The following ZNF177 variants were observed in gnomAD, a reference collection of about 807,000 sequenced individuals.
ZNF177 encodes zinc finger protein 177.
In ZNF177, 17 loss-of-function variants were observed where a neutral mutation model predicts 19.4. The observed-to-expected ratio is 0.87, with a 90% CI of 0.60 to 1.31. The LOEUF (loss-of-function observed/expected upper bound fraction) is 1.31. Ranked by LOEUF, ZNF177 falls within the 40% of genes most tolerant of loss-of-function variation. The pLI is 0.00. For synonymous variants in ZNF177, 220 were observed against 188.7 expected (o/e 1.17, Z -1.36); for missense variants, 633 against 561.8 (o/e 1.13, Z -1.28).
upstream of ZNF177, among the ~76,000 whole-genome samples, chr19:9,375,579 T>C (rs537244452): frequency 2.0e-5 from 3 of 152,264 alleles, no homozygotes; most frequent in African/African-American, 7.2e-5. Flanking sequence ...TCTAGGAATT[T>C]ATTCATTTCT....
Position 9,381,279 on chromosome 19 carries a change from C to T in ZNF177, c.948C>T (p.His316=), listed in dbSNP as rs545057022. The change falls in exon 6 of 6, where the codon CAC becomes CAT. Residue 316 remains histidine, a synonymous_variant. Coordinates refer to ENST00000589262, the Ensembl canonical transcript of ZNF177. Reference sequence around the variant, plus strand: ...GAGAGAAGCCTTATGAGTGTGATCACTGTGGAAAATCCTTTAGCCAGAGCT... The same window carrying T: ...GAGAGAAGCCTTATGAGTGTGATCATTGTGGAAAATCCTTTAGCCAGAGCT... 2.0e-5 allele frequency: 33 copies of T among 1,611,688 alleles called. No individual in the cohort carries two copies. The African/African-American group carries it at 2.7e-4, about 13-fold the overall frequency.
At chr19:9,379,783 A>T (rs1363740234) in intron 4 of ZNF177, 164 bp downstream of exon 6, 1 of 906,356 alleles carries the variant, frequency 1.1e-6, no homozygotes, top group Non-Finnish European at 1.6e-6. Flanking sequence ...CCGAGAAAGA[A>T]GTTTTAATTC....
intron 2 of ZNF177, among the ~76,000 whole-genome samples, chr19:9,369,326 T>C (rs1032812633): frequency 6.6e-6 from 1 of 152,148 alleles, no homozygotes; most frequent in African/African-American, 2.4e-5. Context: ...GACTAGAATT[T>C]TATATCTTCC....
intron 2 of ZNF177, among the ~76,000 whole-genome samples, chr19:9,370,314 C>A (rs1425041680): frequency 6.6e-6 from 1 of 152,038 alleles, no homozygotes; most frequent in African/African-American, 2.4e-5. Flanking sequence ...CACATCCTCC[C>A]ATAGATGCTA....
exon 3 of ZNF177, chr19:9,379,007 G>A (rs2068150797): frequency 1.9e-6 from 3 of 1,610,456 alleles, no homozygotes; most frequent in Non-Finnish European, 2.5e-6. Context: ...TTCCCAGGAG[G>A]AGTGGGCATT....
chr19:9,366,061 C>A (rs2067975038), intron 2 of ZNF177, among the ~76,000 whole-genome samples: 1 of 152,156 alleles, frequency 6.6e-6, no homozygotes, highest in Non-Finnish European at 1.5e-5. Flanking sequence ...CGGCTCACTG[C>A]AACCTCTGCC....
In ZNF177 at chr19:9,379,555, C is replaced by T. The variant is rs778480730; in HGVS notation, c.189C>T (p.Ile63=). The change falls in exon 4 of 6, where the codon ATC becomes ATT. Residue 63 remains isoleucine, a synonymous_variant. Coordinates refer to ENST00000589262, the Ensembl canonical transcript of ZNF177. Reference sequence around the variant, plus strand: ...ATCAGCTCTGCAGACACAGTCTGATCTCCAAGGTGGATCAAGAACAGCTGA... The same window carrying T: ...ATCAGCTCTGCAGACACAGTCTGATTTCCAAGGTGGATCAAGAACAGCTGA... The T allele has an allele frequency of 5.6e-6, 9 of 1,613,932 alleles. No homozygotes were observed. In the Admixed American group the frequency reaches 1.5e-4, roughly 27 times the overall value.
intron 5 of ZNF177, 27 bp downstream of exon 7, chr19:9,380,166 G>A (rs201211846): frequency 1.9e-6 from 3 of 1,583,840 alleles, no homozygotes; most frequent in Non-Finnish European, 1.7e-6. Context: ...AGTATTCCTG[G>A]TCTTTGTAGT....
upstream of ZNF177, among the ~76,000 whole-genome samples, chr19:9,373,423 C>T (rs964816263): frequency 5.9e-5 from 9 of 152,080 alleles, no homozygotes; most frequent in African/African-American, 2.2e-4. Context: ...TCACAGATAC[C>T]TCTTTAAGAT....
downstream of ZNF177, chr19:9,382,290 G>A: frequency 2.5e-6 from 1 of 398,588 alleles, no homozygotes; most frequent in Non-Finnish European, 4.4e-6. Context: ...GAAGTCACTG[G>A]ATACAGCTGC....
In ZNF177 at chr19:9,380,051, T is replaced by G. The variant is rs1327303868; in HGVS notation, c.254-6T>G. The G allele has an allele frequency of 1.9e-6, 3 of 1,609,246 alleles. No individual in the cohort carries two copies. Among genetic ancestry groups the G allele is most frequent in the Non-Finnish European group, 2.5e-6 (3 of 1,178,972 alleles). On this transcript the variant is annotated splice_region_variant and splice_polypyrimidine_tract_variant and intron_variant, in intron 4 of 5. Transcript: ENST00000589262. The stretch of plus-strand genomic sequence containing the variant: ...AATAATTATAAAAATTCCTGTGCTA[T>G]TTCAGACTGGGAAACTCAACTTAAA...
upstream of ZNF177, among the ~76,000 whole-genome samples, chr19:9,373,305 A>G (rs2068070724): frequency 6.6e-6 from 1 of 152,210 alleles, no homozygotes. Flanking sequence ...AAGACTGAAT[A>G]ACCCACTGTG....
At chr19:9,382,296 G>C, downstream of ZNF177, 1 of 398,624 alleles carries the variant, frequency 2.5e-6, no homozygotes. Flanking sequence ...ACTGGATACA[G>C]CTGCTAAGGA....
chr19:9,382,428 G>T (rs2068216027), downstream of ZNF177: 1 of 398,552 alleles, frequency 2.5e-6, no homozygotes, highest in African/African-American at 2.1e-5. Flanking sequence ...GATACTAAAT[G>T]AAACAACAGG....
chr19:9,382,301 T>TAAGG, downstream of ZNF177: 1 of 398,754 alleles, frequency 2.5e-6, no homozygotes, highest in Non-Finnish European at 4.4e-6. Context: ...ATACAGCTGC[T>TAAGG]AAGGAAGCTC....
chr19:9,365,645 C>T (rs2067968346), intron 2 of ZNF177, among the ~76,000 whole-genome samples: 1 of 152,068 alleles, frequency 6.6e-6, no homozygotes, highest in Non-Finnish European at 1.5e-5. Context: ...GGCAGGCGTC[C>T]CCGCATGATT....
chr19:9,382,172 A>C (rs1449443422), exon 6 of ZNF177: 1 of 402,132 alleles, frequency 2.5e-6, no homozygotes, highest in Non-Finnish European at 4.4e-6. Context: ...AAAGTAATAA[A>C]ATTTACCATT....
At chr19:9,374,768 G>A (rs1322842835), upstream of ZNF177, among the ~76,000 whole-genome samples, 2 of 151,614 alleles carry the variant, frequency 1.3e-5, no homozygotes, top group Non-Finnish European at 2.9e-5. Context: ...GGTGTCTTTA[G>A]GGTTTTCTAG....
chr19:9,381,846 AG>A lies in ZNF177; in HGVS notation c.*70del. 2.0e-6 allele frequency: 3 copies of A among 1,520,918 alleles called. No homozygotes were observed. In the South Asian group the frequency reaches 4.0e-5, roughly 20 times the overall value. The allele number at this position is 1,520,918 out of a possible 1,614,324, so 94.2% of individuals were successfully genotyped here. Reference sequence around the variant, plus strand: ...CACTTTAGAACATATATTGGAGAGAAGCCCTGTTATGGTCACCTGGAAACAG... The same window carrying A: ...CACTTTAGAACATATATTGGAGAGAACCCTGTTATGGTCACCTGGAAACAG... On this transcript the variant is annotated 3_prime_UTR_variant, in exon 6 of 6. Coordinates refer to ENST00000589262, the Ensembl canonical transcript of ZNF177.
Sources: gnomAD v4.1 joint callset for allele counts (sites outside exome capture counted in the v4.1 genomes callset) on GRCh38, gnomAD v4.1.1 for gene constraint, MANE v1.5 for transcripts, NCBI Gene and HGNC (gene_info 2026-07-23, HGNC 2026-07-21) for gene names.